The following L3MBTL4 variants were observed in gnomAD, a reference collection of about 807,000 sequenced individuals.
L3MBTL4 encodes lethal(3)malignant brain tumor-like protein 4.
Under a neutral mutation model 84.5 loss-of-function variants are expected in L3MBTL4, and 70 were observed. The observed-to-expected ratio is 0.83, with a 90% CI of 0.68 to 1.01. The LOEUF (loss-of-function observed/expected upper bound fraction) is 1.01. L3MBTL4 is among the 50% of genes least tolerant of loss of function. L3MBTL4 has a pLI of 0.00. For missense variants in L3MBTL4, 715 were observed against 754.8 expected (o/e 0.95, Z 0.62); for synonymous variants, 274 against 259.8 (o/e 1.05, Z -0.52).
chr18:6,079,839 CTT>C (rs1426155007), intron 16 of L3MBTL4: 1 of 152,148 alleles, frequency 6.6e-6, no homozygotes, highest in Non-Finnish European at 1.5e-5. Context: ...TTAAAGCAGA[CTT>C]GAGCTCTGGT....
intron 4 of L3MBTL4, among the ~76,000 whole-genome samples, chr18:6,294,361 T>A (rs537325303): frequency 4.2e-4 from 64 of 152,120 alleles, no homozygotes; most frequent in Non-Finnish European, 7.1e-4. Flanking sequence ...AATATTCACA[T>A]GAAAAGTTTA....
chr18:6,262,185 T>C (rs1251459764), intron 5 of L3MBTL4, among the ~76,000 whole-genome samples: 3 of 152,138 alleles, frequency 2.0e-5, no homozygotes, highest in Non-Finnish European at 4.4e-5. Context: ...TGGCCCACTC[T>C]GTTCTCCCCT....
chr18:6,164,225 G>C (rs1411326740), intron 13 of L3MBTL4, among the ~76,000 whole-genome samples: 9 of 152,250 alleles, frequency 5.9e-5, no homozygotes, highest in Admixed American at 2.6e-4. Context: ...AAGGAGGCCT[G>C]CCTGCCTCTG....
intron 1 of L3MBTL4, among the ~76,000 whole-genome samples, chr18:6,380,022 G>T (rs909794568): frequency 6.6e-6 from 1 of 152,024 alleles, no homozygotes; most frequent in South Asian, 2.1e-4. Flanking sequence ...TTAGGGATTC[G>T]ACTTCTTCCT....
At chr18:6,246,639 C>A (rs1418363312) in intron 5 of L3MBTL4, among the ~76,000 whole-genome samples, 1 of 152,184 alleles carries the variant, frequency 6.6e-6, no homozygotes, top group South Asian at 2.1e-4. Context: ...GCACGTGGCT[C>A]ATGCCTGTAA....
chr18:6,171,303 C>A (rs757955881), intron 13 of L3MBTL4, among the ~76,000 whole-genome samples: 1 of 152,158 alleles, frequency 6.6e-6, no homozygotes, highest in Non-Finnish European at 1.5e-5. Context: ...GGTTGAGGCT[C>A]ATTAAAATTT....
At chr18:6,386,737 G>A (rs1019413216) in intron 1 of L3MBTL4, among the ~76,000 whole-genome samples, 2 of 152,178 alleles carry the variant, frequency 1.3e-5, no homozygotes, top group African/African-American at 4.8e-5. Context: ...AGAAGCCAAG[G>A]AGACAGAGCA....
chr18:6,275,789 A>T (rs2049054720), intron 4 of L3MBTL4, among the ~76,000 whole-genome samples: 1 of 152,236 alleles, frequency 6.6e-6, no homozygotes, highest in African/African-American at 2.4e-5. Flanking sequence ...AAAGGGAAAA[A>T]AATCCAAGCG....
intron 1 of L3MBTL4, among the ~76,000 whole-genome samples, chr18:6,329,205 G>A (rs67531981): frequency 0.15 from 21,984 of 145,398 alleles, 1,801 homozygotes; most frequent in African/African-American, 0.21. Context: ...CCAGGCTGGA[G>A]TGCAGTGGTG....
intron 15 of L3MBTL4, among the ~76,000 whole-genome samples, chr18:6,090,879 T>C (rs2058431785): frequency 6.6e-6 from 1 of 151,458 alleles, no homozygotes. Flanking sequence ...GTGACAAATG[T>C]TGCTTGTATA....
At chr18:6,064,602 T>TG (rs1451134892) in intron 16 of L3MBTL4, among the ~76,000 whole-genome samples, 1 of 150,034 alleles carries the variant, frequency 6.7e-6, no homozygotes, top group African/African-American at 2.5e-5. Context: ...TCCTAGGTTT[T>TG]TTTTTTTTTT....
At chr18:5,966,999 C>A (rs2052383138) in intron 17 of L3MBTL4, among the ~76,000 whole-genome samples, 2 of 152,332 alleles carry the variant, frequency 1.3e-5, no homozygotes, top group South Asian at 2.1e-4. Flanking sequence ...GATGGTTCCA[C>A]TTCCTGGGTG....
chr18:6,113,875 G>GA (rs2059273320), intron 14 of L3MBTL4, among the ~76,000 whole-genome samples: 1 of 152,144 alleles, frequency 6.6e-6, no homozygotes, highest in Non-Finnish European at 1.5e-5. Context: ...ACAATGTTTG[G>GA]AATTGTCCTG....
chr18:6,267,637 A>G (rs922478091), intron 4 of L3MBTL4, among the ~76,000 whole-genome samples: 1 of 152,244 alleles, frequency 6.6e-6, no homozygotes, highest in Non-Finnish European at 1.5e-5. Context: ...TCTTTAAAAG[A>G]TTGCATGTAA....
intron 13 of L3MBTL4, among the ~76,000 whole-genome samples, chr18:6,162,718 G>A (rs2043403435): frequency 6.6e-6 from 1 of 152,194 alleles, no homozygotes; most frequent in African/African-American, 2.4e-5. Context: ...CTCCTCTGTA[G>A]AGCAAATGCC....
chr18:6,087,811 C>T (rs2058307183), intron 15 of L3MBTL4, among the ~76,000 whole-genome samples: 1 of 152,158 alleles, frequency 6.6e-6, no homozygotes, highest in African/African-American at 2.4e-5. Context: ...TCAATAGTCT[C>T]TTCTATGTGC....
chr18:5,967,999 A>C (rs2052438351), intron 17 of L3MBTL4, among the ~76,000 whole-genome samples: 1 of 152,224 alleles, frequency 6.6e-6, no homozygotes, highest in South Asian at 2.1e-4. Flanking sequence ...ACAGGTGGGA[A>C]TGGAACTGGG....
chr18:6,059,141 C>T (rs1481445903), intron 16 of L3MBTL4, among the ~76,000 whole-genome samples: 1 of 152,144 alleles, frequency 6.6e-6, no homozygotes, highest in African/African-American at 2.4e-5. Context: ...AAGCTGCATT[C>T]TATTATAACC....
chr18:6,113,678 C>T (rs2059267378), intron 14 of L3MBTL4, among the ~76,000 whole-genome samples: 1 of 152,126 alleles, frequency 6.6e-6, no homozygotes, highest in South Asian at 2.1e-4. Context: ...GATTCAAGAT[C>T]ACTAACCTGC....
Sources: gnomAD v4.1 joint callset for allele counts (sites outside exome capture counted in the v4.1 genomes callset) on GRCh38, gnomAD v4.1.1 for gene constraint, MANE v1.5 for transcripts, NCBI Gene and HGNC (gene_info 2026-07-23, HGNC 2026-07-21) for gene names.